The following BCL9 variants were observed in gnomAD, a reference collection of about 807,000 sequenced individuals.
BCL9 encodes the protein BCL9 transcription coactivator, also known as B-cell CLL/lymphoma 9 protein.
Under a neutral mutation model 88.5 loss-of-function variants are expected in BCL9, and 25 were observed. The ratio of observed to expected loss-of-function variants is 0.28; its 90% CI spans 0.21 to 0.39. BCL9 has a LOEUF of 0.39. Ranked by LOEUF, BCL9 falls within the 10% of genes least tolerant of loss-of-function variation. BCL9 has a pLI of 1.00. For missense variants in BCL9, 1,817 were observed against 1,877.8 expected (o/e 0.97, Z 0.60); for synonymous variants, 711 against 673.3 (o/e 1.06, Z -0.87).
chr1:147,594,778 A>G (rs1187064887), intron 1 of BCL9, among the ~76,000 whole-genome samples: 1 of 152,254 alleles, frequency 6.6e-6, no homozygotes, highest in Non-Finnish European at 1.5e-5. Flanking sequence ...GAATTTGGCA[A>G]TTAGGTTTGG....
chr1:147,553,168 G>A (rs1654970036), intron 1 of BCL9, among the ~76,000 whole-genome samples: 1 of 152,162 alleles, frequency 6.6e-6, no homozygotes, highest in African/African-American at 2.4e-5. Context: ...AGAGGGCCTA[G>A]TAGACATCTT....
chr1:147,603,651 G>A lies in BCL9; in HGVS notation c.-477-1126G>A, dbSNP rs587694418. Among the ~76,000 whole-genome samples the A allele has an allele frequency of 3.3e-5, 5 of 149,646 alleles. No individual in the cohort carries two copies. The South Asian group carries it at 8.6e-4, about 26-fold the overall frequency. ...CAAGTAGCTGGGATTACAGGTACACGCTACCATGCCCAGCTAATTTTTGTA... is the reference window on the plus strand; with the variant it reads ...CAAGTAGCTGGGATTACAGGTACACACTACCATGCCCAGCTAATTTTTGTA... On this transcript the variant is annotated intron_variant, in intron 1 of 9. Transcript: ENST00000234739.
intron 1 of BCL9, among the ~76,000 whole-genome samples, chr1:147,599,570 C>T (rs587775255): frequency 6.6e-6 from 1 of 150,940 alleles, no homozygotes; most frequent in African/African-American, 2.5e-5. Flanking sequence ...GAGGAGGGGA[C>T]GGGAAGAGGA....
In BCL9 at chr1:147,592,088, A is replaced by G. The variant is rs141495206; in HGVS notation, c.-477-12689A>G. On this transcript the variant is annotated intron_variant, in intron 1 of 9. Transcript: ENST00000234739. ...TAAAAGTCACTATGAGATTTTACAAACAGGGGTTCCTTAACCACCTGGATA... is the reference window on the plus strand; with the variant it reads ...TAAAAGTCACTATGAGATTTTACAAGCAGGGGTTCCTTAACCACCTGGATA... Among the ~76,000 whole-genome samples, 3 of 152,292 alleles carry G rather than the reference A, an allele frequency of 2.0e-5. No homozygotes were observed. The East Asian group carries it at 5.8e-4, about 29-fold the overall frequency.
chr1:147,568,225 A>G (rs1291865330), intron 1 of BCL9, among the ~76,000 whole-genome samples: 5 of 152,210 alleles, frequency 3.3e-5, no homozygotes, highest in African/African-American at 1.2e-4. Flanking sequence ...ATGGGGAAGC[A>G]TTGTGGTCAG....
intron 1 of BCL9, among the ~76,000 whole-genome samples, chr1:147,585,647 C>T (rs1327540991): frequency 2.6e-5 from 4 of 152,192 alleles, no homozygotes; most frequent in Admixed American, 1.3e-4. Flanking sequence ...AAGTTAGTAC[C>T]GGTTAACTAC....
chr1:147,612,022 A>G, intron 4 of BCL9, 133 bp downstream of exon 4: 1 of 840,840 alleles, frequency 1.2e-6, no homozygotes, highest in Non-Finnish European at 1.9e-6. Flanking sequence ...GAGAAAATAG[A>G]CTAGTAAATA....
intron 2 of BCL9, among the ~76,000 whole-genome samples, chr1:147,605,128 A>C (rs1261570999): frequency 6.6e-6 from 1 of 152,236 alleles, no homozygotes; most frequent in African/African-American, 2.4e-5. Flanking sequence ...AACTCATTTC[A>C]TAGGGCCAAG....
rs141074108 is a variant in BCL9, at chr1:147,554,531, C to A, written c.-478+12857C>A. On this transcript the variant is annotated intron_variant, in intron 1 of 9. Transcript: ENST00000234739. ...CAATCCTCATTTTAGCTATTAGTTG[C>A]AGCATCCTGTCCTACCAGTAGTTTT... Among the ~76,000 whole-genome samples the A allele has an allele frequency of 1.6e-3, 247 of 152,272 alleles. 2 individuals are homozygous for A. Among genetic ancestry groups the A allele is most frequent in the African/African-American group, 5.8e-3 (242 of 41,548 alleles).
intron 1 of BCL9, among the ~76,000 whole-genome samples, chr1:147,549,508 A>G (rs2101468901): frequency 6.6e-6 from 1 of 152,330 alleles, no homozygotes; most frequent in South Asian, 2.1e-4. Context: ...GAGATCTTTG[A>G]GGAAGTCTGG....
intron 1 of BCL9, among the ~76,000 whole-genome samples, chr1:147,549,130 T>C (rs1654768058): frequency 6.6e-6 from 1 of 151,796 alleles, no homozygotes; most frequent in Admixed American, 6.6e-5. Flanking sequence ...GTGTGCACCA[T>C]GACACCCAGC....
Position 147,622,612 on chromosome 1 carries a change from C to T in BCL9, c.3163+81C>T, listed in dbSNP as rs183105554. On this transcript the variant is annotated intron_variant, in intron 9 of 9. Coordinates refer to ENST00000234739, the MANE Select transcript of BCL9 (RefSeq NM_004326.4). ...TTGAAGCGTTTTCTCAATGGCTATA[C>T]ACCTGAATAGGTGGAAGTTCAACAA... is the stretch of plus-strand genomic sequence containing the variant. 7.8e-6 allele frequency: 12 copies of T among 1,530,164 alleles called. No individual in the cohort carries two copies. In the African/African-American group the frequency reaches 9.6e-5, roughly 12 times the overall value. The allele number at this position is 1,530,164 out of a possible 1,614,324, so 94.8% of individuals were successfully genotyped here.
intron 6 of BCL9, 108 bp downstream of exon 6, chr1:147,614,724 GATAAAAC>G (rs1658186243): frequency 8.1e-7 from 1 of 1,237,152 alleles, no homozygotes; most frequent in Non-Finnish European, 1.1e-6. Flanking sequence ...TAACAGTACA[GATAAAAC>G]ATAAAACCTC....
rs200898274 is a variant in BCL9 at position 147,620,013 on chromosome 1, C to G, written c.1858C>G (p.Arg620Gly). Residue 620 changes from arginine (R) to glycine (G), a missense_variant, in exon 8 of 10, where the codon CGC becomes GGC. By Grantham distance (125) the Arg-to-Gly change is moderately radical. Coordinates refer to ENST00000234739, the MANE Select transcript of BCL9 (RefSeq NM_004326.4). ...TTTCAGCGGTCCTGGCCGAGGGGAACGCTTCCCAAACCCCCAAGGATTGTC... is the reference window on the plus strand; with the variant it reads ...TTTCAGCGGTCCTGGCCGAGGGGAAGGCTTCCCAAACCCCCAAGGATTGTC... ...GIFSGPGRGERFPNPQGLSEE... is the reference protein window; with the variant it reads ...GIFSGPGRGEGFPNPQGLSEE... 1.9e-6 allele frequency: 3 copies of G among 1,614,184 alleles called. No individual in the cohort carries two copies. The highest frequency in any genetic ancestry group is 2.5e-6 in the Non-Finnish European group (3 of 1,180,034).
intron 1 of BCL9, among the ~76,000 whole-genome samples, chr1:147,557,013 C>G (rs1655146427): frequency 6.6e-6 from 1 of 152,176 alleles, no homozygotes; most frequent in South Asian, 2.1e-4. Context: ...CATCCTCAGG[C>G]AGGGTACCAA....
chr1:147,601,546 A>T (rs933210081), intron 1 of BCL9, among the ~76,000 whole-genome samples: 5 of 152,076 alleles, frequency 3.3e-5, no homozygotes, highest in Admixed American at 2.0e-4. Context: ...TCATTGAGAG[A>T]TGGGAGGAGG....
intron 1 of BCL9, among the ~76,000 whole-genome samples, chr1:147,594,968 C>G (rs1339417316): frequency 6.6e-6 from 1 of 152,050 alleles, no homozygotes; most frequent in Middle Eastern, 3.2e-3. Context: ...GAGTAAGAAG[C>G]CAATGGATGG....
At chr1:147,612,133 C>G (rs993084232) in intron 4 of BCL9, among the ~76,000 whole-genome samples, 36 of 152,156 alleles carry the variant, frequency 2.4e-4, no homozygotes, top group African/African-American at 8.7e-4. Context: ...CCCCGCACCT[C>G]CCTGCCAAAG....
intron 4 of BCL9, among the ~76,000 whole-genome samples, chr1:147,612,094 A>G (rs587629830): frequency 2.0e-5 from 3 of 152,228 alleles, no homozygotes; most frequent in Admixed American, 1.3e-4. Context: ...TTCCTTTGTT[A>G]TTCTTTTGTC....
Sources: allele counts gnomAD v4.1 joint callset (sites outside exome capture counted in the v4.1 genomes callset), GRCh38; gene constraint gnomAD v4.1.1; transcripts MANE v1.5; gene names NCBI Gene and HGNC (gene_info 2026-07-23, HGNC 2026-07-21).